Variants in CSGALNACT1 observed in about 807,000 individuals in gnomAD.
CSGALNACT1 encodes the protein chondroitin sulfate N-acetylgalactosaminyltransferase 1.
CSGALNACT1 carries 52 observed loss-of-function variants against 51.0 expected under a neutral mutation model. The ratio of observed to expected loss-of-function variants is 1.02; its 90% confidence interval spans 0.82 to 1.29. CSGALNACT1 has a LOEUF of 1.29. CSGALNACT1 is among the 50% of genes most tolerant of loss of function. The pLI is 0.00. For synonymous variants in CSGALNACT1, 341 were observed against 254.4 expected, an observed-to-expected ratio of 1.34 and a Z score of -3.24; for missense variants, 935 against 679.2, an observed-to-expected ratio of 1.38 and a Z score of -4.19.
At chr8:19,437,730 G>T (rs1440041813) in intron 6 of CSGALNACT1, among the ~76,000 whole-genome samples, 1 of 152,138 alleles carries the variant, frequency 6.6e-6, no homozygotes, top group Non-Finnish European at 1.5e-5. Flanking sequence ...AGAAGTTCGG[G>T]TTAATTTTGC....
At chr8:19,682,483 G>T (rs544507875) in exon 1 of CSGALNACT1, 105 of 353,320 alleles carry the variant, frequency 3.0e-4, no homozygotes, top group South Asian at 1.6e-3. Flanking sequence ...CCACACACGA[G>T]ATCAAAAAGA....
intron 3 of CSGALNACT1, among the ~76,000 whole-genome samples, chr8:19,539,744 T>G (rs1049706496): frequency 2.0e-5 from 3 of 152,166 alleles, no homozygotes; most frequent in Non-Finnish European, 4.4e-5. Flanking sequence ...CAAGTGACAC[T>G]AAAAATGTTG....
intron 1 of CSGALNACT1, among the ~76,000 whole-genome samples, chr8:19,754,827 C>T (rs530707219): frequency 3.9e-5 from 6 of 152,266 alleles, no homozygotes; most frequent in Admixed American, 1.3e-4. Context: ...CCCCTAGTGG[C>T]GAAGCTCCTC....
At chr8:19,520,773 T>G (rs1440281200) in intron 3 of CSGALNACT1, among the ~76,000 whole-genome samples, 1 of 152,340 alleles carries the variant, frequency 6.6e-6, no homozygotes, top group East Asian at 1.9e-4. Flanking sequence ...ATCTTCCTTT[T>G]AACTTTCTGA....
intron 3 of CSGALNACT1, among the ~76,000 whole-genome samples, chr8:19,519,161 T>C (rs1436587533): frequency 6.6e-6 from 1 of 152,178 alleles, no homozygotes; most frequent in African/African-American, 2.4e-5. Context: ...GAGTCTAAGG[T>C]AGTGACCTAG....
At chr8:19,603,047 TAC>T (rs5889877), upstream of CSGALNACT1, among the ~76,000 whole-genome samples, 68,873 of 122,412 alleles carry the variant, frequency 0.56, 21,088 homozygotes, top group Non-Finnish European at 0.7. Context: ...ACTGTGTGTA[TAC>T]ACACACACAC....
intron 1 of CSGALNACT1, among the ~76,000 whole-genome samples, chr8:19,714,797 C>T (rs1022364105): frequency 6.6e-6 from 1 of 150,868 alleles, no homozygotes; most frequent in Non-Finnish European, 1.5e-5. Flanking sequence ...TTCAGGAGTA[C>T]GTCTGCAGGT....
intron 1 of CSGALNACT1, among the ~76,000 whole-genome samples, chr8:19,666,867 AAGAAAGAAAGAAAGAAAG>A (rs2059281815): frequency 1.6e-5 from 2 of 122,970 alleles, no homozygotes; most frequent in South Asian, 2.5e-4. Flanking sequence ...GAAAGAAAGA[AAGAAAGAAAGAAAGAAAG>A]AGAGAGAGGA....
At chr8:19,458,748 T>A in intron 4 of CSGALNACT1, 106 bp from the exon 4 acceptor site, 1 of 1,054,036 alleles carries the variant, frequency 9.5e-7, no homozygotes, top group African/African-American at 1.6e-5. Flanking sequence ...GTGTTTAAGA[T>A]GAAATCTCTC....
intron 3 of CSGALNACT1, among the ~76,000 whole-genome samples, chr8:19,578,023 T>C (rs1480162216): frequency 6.6e-6 from 1 of 152,004 alleles, no homozygotes; most frequent in African/African-American, 2.4e-5. Flanking sequence ...ATGGAAAAAA[T>C]TACTCCAGCA....
intron 3 of CSGALNACT1, among the ~76,000 whole-genome samples, chr8:19,520,686 C>G (rs1438496444): frequency 6.6e-6 from 1 of 152,150 alleles, no homozygotes. Flanking sequence ...TAATATGTTC[C>G]CTCTGCATCA....
chr8:19,517,413 A>G (rs1204244497), intron 3 of CSGALNACT1, among the ~76,000 whole-genome samples: 4 of 152,144 alleles, frequency 2.6e-5, no homozygotes, highest in Admixed American at 6.6e-5. Context: ...GTACTCCAGC[A>G]TAGTCAACAA....
chr8:19,649,780 T>C (rs2057613196), intron 1 of CSGALNACT1, among the ~76,000 whole-genome samples: 3 of 81,194 alleles, frequency 3.7e-5, no homozygotes, highest in South Asian at 7.2e-4. Context: ...TTAGGCTTTA[T>C]TTCTAATTAA....
intron 5 of CSGALNACT1, among the ~76,000 whole-genome samples, chr8:19,456,970 C>A (rs753116120): frequency 6.6e-6 from 1 of 152,160 alleles, no homozygotes; most frequent in Non-Finnish European, 1.5e-5. Flanking sequence ...ATTAGACCCA[C>A]CAGGCAGAAA....
chr8:19,740,123 C>T (rs1384529955), intron 1 of CSGALNACT1, among the ~76,000 whole-genome samples: 7 of 152,228 alleles, frequency 4.6e-5, no homozygotes, highest in Non-Finnish European at 2.9e-5. Context: ...TCCACAAGCT[C>T]TCCGCTGCCT....
At chr8:19,588,706 T>A (rs1056795749) in intron 3 of CSGALNACT1, among the ~76,000 whole-genome samples, 1 of 152,182 alleles carries the variant, frequency 6.6e-6, no homozygotes, top group Non-Finnish European at 1.5e-5. Flanking sequence ...TTTTTGTCAA[T>A]TTTTTTGCAA....
chr8:19,632,487 C>T (rs2975420), intron 1 of CSGALNACT1, among the ~76,000 whole-genome samples: 145,791 of 152,378 alleles, frequency 0.96, 69,791 homozygotes, highest in East Asian at 1. Context: ...AAAAAGCATT[C>T]GTCAGAAATA....
intron 5 of CSGALNACT1, among the ~76,000 whole-genome samples, chr8:19,454,581 G>T (rs956180426): frequency 5.3e-5 from 8 of 152,184 alleles, no homozygotes; most frequent in African/African-American, 1.9e-4. Flanking sequence ...TGAGGCAGGA[G>T]AATCGCTTGA....
chr8:19,538,717 G>A (rs1366851653), intron 3 of CSGALNACT1, among the ~76,000 whole-genome samples: 2 of 152,098 alleles, frequency 1.3e-5, no homozygotes, highest in African/African-American at 2.4e-5. Flanking sequence ...GCTGGAGATG[G>A]CTGGAAGATC....
Sources: allele counts gnomAD v4.1 joint callset (sites outside exome capture counted in the v4.1 genomes callset), GRCh38; gene constraint gnomAD v4.1.1; transcripts MANE v1.5; gene names NCBI Gene and HGNC (gene_info 2026-07-23, HGNC 2026-07-21).